Variants in CNTN5 observed in about 807,000 individuals in gnomAD.
The protein encoded by CNTN5 is contactin-5.
In CNTN5, 77 loss-of-function variants were observed where a neutral mutation model predicts 129.1. The ratio of observed to expected loss-of-function variants is 0.60; its 90% CI spans 0.50 to 0.72. The LOEUF is 0.72. Among genes scored for constraint, CNTN5 ranks in the 30% least tolerant of loss-of-function variants. The pLI is 0.00. For missense variants in CNTN5, 1,478 were observed against 1,328.8 expected (o/e 1.11, Z -1.75); for synonymous variants, 509 against 465.6 (o/e 1.09, Z -1.20).
intron 1 of CNTN5, among the ~76,000 whole-genome samples, chr11:99,033,995 T>C (rs1287517476): frequency 6.6e-6 from 1 of 152,130 alleles, no homozygotes; most frequent in Non-Finnish European, 1.5e-5. Context: ...TTGAATTTTG[T>C]CAAAGGCCTT....
Position 100,002,045 on chromosome 11 carries a change from G to C in CNTN5, c.889G>C (p.Glu297Gln). 1 of 1,592,200 alleles carries C rather than the reference G, an allele frequency of 6.3e-7. No individual in the cohort carries two copies. ...TCTTTCTTTCTAAGGTGTGATGGGA[G>C]AATATGAGCCGAAAATTGAGGTCCA... ...LTLRNDGVMG[E>Q]YEPKIEVHFP... Residue 297 changes from glutamate to glutamine, a missense_variant, in exon 9 of 25, where the codon GAA (glutamate) becomes CAA (glutamine). Coordinates refer to ENST00000524871, the MANE Select transcript of CNTN5 (RefSeq NM_014361.4).
chr11:100,335,877 T>C (rs1210856405), intron 21 of CNTN5, among the ~76,000 whole-genome samples: 1 of 152,116 alleles, frequency 6.6e-6, no homozygotes, highest in African/African-American at 2.4e-5. Context: ...ATGTACATTA[T>C]AATTTTAAAT....
intron 3 of CNTN5, among the ~76,000 whole-genome samples, chr11:99,731,814 C>A (rs1943544283): frequency 2.0e-5 from 3 of 152,168 alleles, no homozygotes; most frequent in Admixed American, 2.0e-4. Flanking sequence ...AAGGGCTAGA[C>A]TGCAAATTGG....
At chr11:99,640,968 C>T (rs901944798) in intron 3 of CNTN5, among the ~76,000 whole-genome samples, 2 of 152,210 alleles carry the variant, frequency 1.3e-5, no homozygotes, top group African/African-American at 2.4e-5. Context: ...CCTAGTCAGA[C>T]TAACATCTCA....
chr11:99,046,076 C>T (rs1337195964), intron 1 of CNTN5, among the ~76,000 whole-genome samples: 1 of 152,146 alleles, frequency 6.6e-6, no homozygotes, highest in African/African-American at 2.4e-5. Flanking sequence ...CGGTGGCTCA[C>T]GCCTGTAATT....
At chr11:99,404,960 T>C (rs1476674471) in intron 2 of CNTN5, among the ~76,000 whole-genome samples, 1 of 152,202 alleles carries the variant, frequency 6.6e-6, no homozygotes, top group Non-Finnish European at 1.5e-5. Flanking sequence ...TATGTCTCTC[T>C]CATGTTTGAA....
chr11:100,142,888 G>A (rs1946738550), intron 13 of CNTN5, among the ~76,000 whole-genome samples: 1 of 152,090 alleles, frequency 6.6e-6, no homozygotes, highest in East Asian at 1.9e-4. Context: ...CCACGTGGAT[G>A]GCTGAGAAAA....
intron 1 of CNTN5, among the ~76,000 whole-genome samples, chr11:99,188,639 C>T (rs1858475671): frequency 1.3e-5 from 2 of 151,696 alleles, no homozygotes; most frequent in South Asian, 4.2e-4. Flanking sequence ...TTATTTATAA[C>T]CATTAAGAAT....
At chr11:99,722,953 T>A (rs1943221956) in intron 3 of CNTN5, among the ~76,000 whole-genome samples, 1 of 152,126 alleles carries the variant, frequency 6.6e-6, no homozygotes, top group South Asian at 2.1e-4. Flanking sequence ...TGTCACTTCA[T>A]AGATGTTGTC....
intron 1 of CNTN5, among the ~76,000 whole-genome samples, chr11:99,189,388 T>A (rs1858518193): frequency 6.6e-6 from 1 of 151,656 alleles, no homozygotes. Context: ...TAATGATTTA[T>A]CTCTTTTAAA....
chr11:99,854,625 A>C (rs1947976633), intron 6 of CNTN5, among the ~76,000 whole-genome samples: 1 of 152,186 alleles, frequency 6.6e-6, no homozygotes, highest in Non-Finnish European at 1.5e-5. Context: ...GTACATAATC[A>C]AGTCACACAG....
chr11:99,055,716 T>G (rs868016122), intron 1 of CNTN5, among the ~76,000 whole-genome samples: 2 of 152,010 alleles, frequency 1.3e-5, no homozygotes, highest in Non-Finnish European at 2.9e-5. Flanking sequence ...AAAAGTACAC[T>G]GCCTCTAGAT....
chr11:99,960,724 A>G (rs1950920034), intron 8 of CNTN5, among the ~76,000 whole-genome samples: 2 of 152,182 alleles, frequency 1.3e-5, no homozygotes, highest in Admixed American at 6.5e-5. Context: ...ATGAGTCACT[A>G]CAGTGAAAAT....
chr11:99,292,225 A>AATATAT (rs373871554), intron 1 of CNTN5, among the ~76,000 whole-genome samples: 2,385 of 148,434 alleles, frequency 0.016, 72 homozygotes, highest in African/African-American at 0.056. Flanking sequence ...ATAAATAGAA[A>AATATAT]ATATATATAT....
intron 2 of CNTN5, among the ~76,000 whole-genome samples, chr11:99,483,326 C>T (rs1479790576): frequency 2.0e-5 from 3 of 152,080 alleles, no homozygotes; most frequent in African/African-American, 2.4e-5. Flanking sequence ...ATTCTTCGTG[C>T]GCAGTGGCCT....
intron 13 of CNTN5, among the ~76,000 whole-genome samples, chr11:100,167,660 A>G (rs1255592689): frequency 6.6e-6 from 1 of 152,000 alleles, no homozygotes; most frequent in East Asian, 1.9e-4. Flanking sequence ...AAAGAAACAG[A>G]CCTAGATTAG....
intron 1 of CNTN5, among the ~76,000 whole-genome samples, chr11:99,132,401 C>A (rs764265822): frequency 6.6e-6 from 1 of 151,978 alleles, no homozygotes; most frequent in African/African-American, 2.4e-5. Context: ...AAGTTCTGGC[C>A]GGGGCAATCA....
intron 8 of CNTN5, among the ~76,000 whole-genome samples, chr11:99,962,237 C>G (rs1395117031): frequency 6.6e-6 from 1 of 152,016 alleles, no homozygotes; most frequent in Non-Finnish European, 1.5e-5. Context: ...ATACATGTGC[C>G]ATGTTGGTGT....
chr11:99,503,587 A>G (rs1306147726), intron 2 of CNTN5, among the ~76,000 whole-genome samples: 1 of 152,170 alleles, frequency 6.6e-6, no homozygotes, highest in East Asian at 1.9e-4. Context: ...ATAGCACTTG[A>G]TTGTTAATAT....
Sources: gnomAD v4.1 joint callset for allele counts (sites outside exome capture counted in the v4.1 genomes callset) on GRCh38, gnomAD v4.1.1 for gene constraint, MANE v1.5 for transcripts, NCBI Gene and HGNC (gene_info 2026-07-23, HGNC 2026-07-21) for gene names.